Variants in FBXO11 observed in about 807,000 individuals in gnomAD.
FBXO11 encodes the protein F-box only protein 11.
A neutral mutation model predicts 117.0 loss-of-function variants in FBXO11; 13 were observed. That is an observed-to-expected ratio of 0.11 (90% CI 0.07 to 0.18). FBXO11 has a LOEUF of 0.18. Among genes scored for constraint, FBXO11 ranks in the 10% least tolerant of loss-of-function variants. The probability of loss-of-function intolerance (pLI) is 1.00; values close to 1 mark genes in which losing one functional copy is unlikely to be tolerated. For synonymous variants in FBXO11, 490 were observed against 380.5 expected, an observed-to-expected ratio of 1.29 and a Z score of -3.35; for missense variants, 767 against 1,164.4, an observed-to-expected ratio of 0.66 and a Z score of 4.97.
At chr2:47,822,159 G>C (rs1486819209) in intron 13 of FBXO11, 59 bp downstream of exon 13, 1 of 1,107,510 alleles carries the variant, frequency 9.0e-7, no homozygotes, top group Non-Finnish European at 1.3e-6. Context: ...CCATCATTTT[G>C]CTAATATCAA....
chr2:47,843,932 G>T (rs1673208787), intron 1 of FBXO11, among the ~76,000 whole-genome samples: 1 of 151,976 alleles, frequency 6.6e-6, no homozygotes, highest in African/African-American at 2.4e-5. Flanking sequence ...ATAGAGACGG[G>T]GTTTCACTAT....
At chr2:47,859,194 G>A (rs1025566352) in intron 1 of FBXO11, among the ~76,000 whole-genome samples, 3 of 152,064 alleles carry the variant, frequency 2.0e-5, no homozygotes, top group African/African-American at 7.2e-5. Context: ...TCAGAGATAC[G>A]TATTTCCTTT....
At chr2:47,877,900 G>A (rs1352355218) in intron 1 of FBXO11, among the ~76,000 whole-genome samples, 1 of 152,208 alleles carries the variant, frequency 6.6e-6, no homozygotes, top group African/African-American at 2.4e-5. Context: ...GATCAGGCTG[G>A]TCTCAAACTC....
At chr2:47,830,757 A>T (rs1672119522) in intron 11 of FBXO11, among the ~76,000 whole-genome samples, 1 of 152,154 alleles carries the variant, frequency 6.6e-6, no homozygotes, top group South Asian at 2.1e-4. Flanking sequence ...TACTATGGTG[A>T]ACTTTAATAA....
chr2:47,853,918 C>CTT (rs992428561), intron 1 of FBXO11, among the ~76,000 whole-genome samples: 55 of 152,186 alleles, frequency 3.6e-4, no homozygotes, highest in Admixed American at 3.5e-3. Flanking sequence ...CAAAATACTA[C>CTT]TCATGACAGG....
At chr2:47,811,860 G>C (rs1212006870) in intron 18 of FBXO11, among the ~76,000 whole-genome samples, 2 of 152,166 alleles carry the variant, frequency 1.3e-5, no homozygotes, top group Non-Finnish European at 2.9e-5. Context: ...TCCTGCCTTA[G>C]CCTCCAGAGC....
intron 11 of FBXO11, among the ~76,000 whole-genome samples, chr2:47,827,023 T>G (rs747790034): frequency 2.6e-5 from 4 of 152,240 alleles, no homozygotes; most frequent in Non-Finnish European, 5.9e-5. Context: ...ATTTACCACA[T>G]TGTATTAATA....
At position 47,807,888 on chromosome 2, in the gene FBXO11, C is replaced by T; in HGVS notation, c.*230G>A. 2.4e-6 allele frequency: 1 copy of T among 410,142 alleles called. No homozygotes were observed. Among genetic ancestry groups the T allele is most frequent in the Non-Finnish European group, 4.4e-6 (1 of 227,130 alleles). The allele number at this position is 410,142 out of a possible 1,614,324, so 25.4% of individuals were successfully genotyped here. A position where few individuals can be genotyped will look rare whatever the true frequency, so the allele number is the denominator to read the frequency against. On this transcript the variant is annotated 3_prime_UTR_variant, in exon 23 of 23. Coordinates refer to ENST00000403359, the MANE Select transcript of FBXO11 (RefSeq NM_001190274.2). ...GCAGCTTATTTTCTTCACTTCTGTC[C>T]CTTCAAGTCTTTACACAGTAATGCT...
intron 11 of FBXO11, among the ~76,000 whole-genome samples, chr2:47,826,286 T>C (rs530619664): frequency 3.3e-5 from 5 of 151,372 alleles, no homozygotes; most frequent in Non-Finnish European, 7.4e-5. Flanking sequence ...CTCGATCTCC[T>C]AACCTCGTGA....
At chr2:47,858,508 C>T (rs911157597) in intron 1 of FBXO11, among the ~76,000 whole-genome samples, 2 of 149,618 alleles carry the variant, frequency 1.3e-5, no homozygotes, top group Non-Finnish European at 3.0e-5. Flanking sequence ...ATGGTGTATC[C>T]CCGTCTCTAC....
chr2:47,880,307 G>A (rs1676345468), intron 1 of FBXO11, among the ~76,000 whole-genome samples: 1 of 152,110 alleles, frequency 6.6e-6, no homozygotes, highest in African/African-American at 2.4e-5. Flanking sequence ...TTTATTTCAT[G>A]ACTTCTGGAT....
intron 1 of FBXO11, among the ~76,000 whole-genome samples, chr2:47,857,176 G>A (rs1216727595): frequency 6.6e-6 from 1 of 152,230 alleles, no homozygotes; most frequent in East Asian, 1.9e-4. Flanking sequence ...CAGTGCATGT[G>A]GATTTACTAG....
intron 21 of FBXO11, chr2:47,808,631 T>C (rs893122546): frequency 1.2e-5 from 6 of 493,244 alleles, no homozygotes; most frequent in South Asian, 3.8e-5. Flanking sequence ...GGAAGAGAAA[T>C]GATTTGTAAA....
chr2:47,828,873 T>TGA, intron 11 of FBXO11, among the ~76,000 whole-genome samples: 1 of 152,294 alleles, frequency 6.6e-6, no homozygotes, highest in Non-Finnish European at 1.5e-5. Context: ...ATTATTATCT[T>TGA]CTAACTAAAG....
chr2:47,897,426 G>A (rs1472004421), intron 1 of FBXO11, among the ~76,000 whole-genome samples: 3 of 152,216 alleles, frequency 2.0e-5, no homozygotes, highest in African/African-American at 7.2e-5. Context: ...GTCGGGTGAG[G>A]TGGCTCACGC....
At chr2:47,847,474 C>G (rs548520618) in intron 1 of FBXO11, among the ~76,000 whole-genome samples, 1 of 150,516 alleles carries the variant, frequency 6.6e-6, no homozygotes, top group South Asian at 2.1e-4. Flanking sequence ...TTTGGGAGGC[C>G]AAGACGGGAG....
chr2:47,894,069 T>C (rs574919091), intron 1 of FBXO11, among the ~76,000 whole-genome samples: 2 of 152,328 alleles, frequency 1.3e-5, no homozygotes, highest in South Asian at 2.1e-4. Flanking sequence ...TAGTTCCTGA[T>C]GAACAGAGCC....
intron 11 of FBXO11, among the ~76,000 whole-genome samples, chr2:47,825,721 T>G (rs1671704493): frequency 6.6e-6 from 1 of 151,868 alleles, no homozygotes; most frequent in Non-Finnish European, 1.5e-5. Context: ...AGACCACGGG[T>G]GCATGGCACC....
At chr2:47,853,226 C>T (rs1384368143) in intron 1 of FBXO11, among the ~76,000 whole-genome samples, 4 of 151,998 alleles carry the variant, frequency 2.6e-5, no homozygotes, top group Non-Finnish European at 4.4e-5. Flanking sequence ...CACTCACCAC[C>T]AAGCCCAGCT....
Sources: allele counts gnomAD v4.1 joint callset (sites outside exome capture counted in the v4.1 genomes callset), GRCh38; gene constraint gnomAD v4.1.1; transcripts MANE v1.5; gene names NCBI Gene and HGNC (gene_info 2026-07-23, HGNC 2026-07-21).